Variants in ARHGEF28 observed in about 807,000 individuals in gnomAD.
ARHGEF28 encodes the protein Rho guanine nucleotide exchange factor 28.
In ARHGEF28, 152 loss-of-function variants were observed where a neutral mutation model predicts 206.6. That is an observed-to-expected ratio of 0.74 (90% CI 0.64 to 0.84). The LOEUF (loss-of-function observed/expected upper bound fraction) is 0.84. Ranked by LOEUF, ARHGEF28 falls within the 40% of genes least tolerant of loss-of-function variation. The pLI is 0.00. For missense variants in ARHGEF28, 2,028 were observed against 2,073.2 expected, an observed-to-expected ratio of 0.98 and a Z score of 0.42; for synonymous variants, 763 against 776.4, an observed-to-expected ratio of 0.98 and a Z score of 0.29.
chr5:73,884,032 TA>T, intron 24 of ARHGEF28, 148 bp downstream of exon 24: 1 of 453,758 alleles, frequency 2.2e-6, no homozygotes, highest in East Asian at 3.5e-5. Context: ...GAATTTGGAT[TA>T]GTTTTTAGAA....
At position 73,848,229 on chromosome 5, in the gene ARHGEF28, A is replaced by G. The variant is rs1579982644; in HGVS notation, c.1636-747A>G. 2.0e-5 allele frequency among the ~76,000 whole-genome samples: 3 copies of G among 152,204 alleles called. No individual in the cohort carries two copies. The South Asian group carries it at 6.2e-4, about 32-fold the overall frequency. On this transcript the variant is annotated intron_variant, in intron 12 of 35. Transcript: ENST00000513042. Reference sequence around the variant, plus strand: ...TCACTTAAATTTTCTGGAACATAAGAAAACTATGTTTTAATGATCTTGCCA... The same window carrying G: ...TCACTTAAATTTTCTGGAACATAAGGAAACTATGTTTTAATGATCTTGCCA...
intron 12 of ARHGEF28, among the ~76,000 whole-genome samples, chr5:73,847,854 CCTT>C (rs1251946005): frequency 2.6e-5 from 4 of 152,148 alleles, no homozygotes; most frequent in Non-Finnish European, 4.4e-5. Context: ...CTTGGGTTGG[CCTT>C]CTTGACGTCT....
chr5:73,777,106 CAG>C (rs889424309), intron 6 of ARHGEF28, among the ~76,000 whole-genome samples: 38 of 152,106 alleles, frequency 2.5e-4, no homozygotes, highest in African/African-American at 9.2e-4. Context: ...GAATCCAGTA[CAG>C]ATTCTGCTTG....
chr5:73,825,411 G>C (rs1246640455), intron 9 of ARHGEF28, among the ~76,000 whole-genome samples: 4 of 152,186 alleles, frequency 2.6e-5, no homozygotes, highest in Non-Finnish European at 5.9e-5. Flanking sequence ...AAGGAGGCTT[G>C]TGGGGCTGGA....
chr5:73,669,645 G>A (rs1746185064), intron 1 of ARHGEF28, among the ~76,000 whole-genome samples: 2 of 152,070 alleles, frequency 1.3e-5, no homozygotes, highest in Non-Finnish European at 2.9e-5. Flanking sequence ...TATAGACATT[G>A]ACACAATTTT....
At chr5:73,635,863 G>T (rs911025014) in intron 1 of ARHGEF28, among the ~76,000 whole-genome samples, 2 of 152,158 alleles carry the variant, frequency 1.3e-5, no homozygotes, top group African/African-American at 4.8e-5. Flanking sequence ...TGCACAAAAC[G>T]CATTGCCAAT....
intron 1 of ARHGEF28, among the ~76,000 whole-genome samples, chr5:73,666,939 G>A (rs1745995122): frequency 1.3e-5 from 2 of 152,158 alleles, no homozygotes; most frequent in Admixed American, 1.3e-4. Flanking sequence ...TAATCCAAGG[G>A]TGGAGTTTTT....
chr5:73,689,709 T>C (rs1747693472), intron 2 of ARHGEF28, among the ~76,000 whole-genome samples: 1 of 151,942 alleles, frequency 6.6e-6, no homozygotes, highest in South Asian at 2.1e-4. Flanking sequence ...CCTGCATTCG[T>C]GCTTGAAAAG....
At chr5:73,852,866 C>A (rs544655016) in intron 14 of ARHGEF28, among the ~76,000 whole-genome samples, 174 bp downstream of exon 14, 1 of 152,176 alleles carries the variant, frequency 6.6e-6, no homozygotes, top group Non-Finnish European at 1.5e-5. Context: ...GCCAGCCCTC[C>A]CCTTTCAGTC....
Position 73,776,662 on chromosome 5 carries a change from G to A in ARHGEF28, c.806G>A (p.Arg269Gln), listed in dbSNP as rs938527645. Residue 269 changes from arginine (R) to glutamine (Q), a missense_variant, in exon 6 of 36, where the codon CGG becomes CAG. Arg to Gln is a conservative substitution (Grantham distance 43). This residue lies in a region of ARHGEF28 where 1,002 missense variants were observed against 1,015.3 expected (regional missense o/e 0.99). Coordinates refer to ENST00000513042, the MANE Select transcript of ARHGEF28 (RefSeq NM_001177693.2). ...HLLEADIKLF[R>Q]KYFWDRAFLV... ...TTGGAGGCAGATATTAAACTCTTCC[G>A]GAAATACTTTTGGGATAGAGCCTTT... 1.1e-5 allele frequency: 18 copies of A among 1,613,460 alleles called. No individual in the cohort carries two copies. Among genetic ancestry groups the A allele is most frequent in the African/African-American group, 4.0e-5 (3 of 74,916 alleles).
intron 35 of ARHGEF28, among the ~76,000 whole-genome samples, chr5:73,940,612 C>T (rs994896608): frequency 6.6e-6 from 1 of 152,170 alleles, no homozygotes; most frequent in African/African-American, 2.4e-5. Flanking sequence ...ATCCCATGAA[C>T]AGTAACCCAT....
intron 7 of ARHGEF28, among the ~76,000 whole-genome samples, chr5:73,791,240 C>T (rs541808698): frequency 1.1e-4 from 17 of 152,328 alleles, no homozygotes; most frequent in African/African-American, 4.1e-4. Flanking sequence ...CTGGTCCCAG[C>T]TCTCCCAGAA....
chr5:73,643,246 G>A (rs1744231677), intron 1 of ARHGEF28, among the ~76,000 whole-genome samples: 1 of 152,178 alleles, frequency 6.6e-6, no homozygotes, highest in Non-Finnish European at 1.5e-5. Context: ...TGTTTAAAAT[G>A]TTAAGCAGTG....
At chr5:73,737,447 CTT>C (rs1751023737) in intron 2 of ARHGEF28, among the ~76,000 whole-genome samples, 1 of 30,196 alleles carries the variant, frequency 3.3e-5, no homozygotes, top group Admixed American at 4.7e-4. Flanking sequence ...TCCTTCTTTT[CTT>C]TTCTTTTCTT....
rs1231123887 is a variant in ARHGEF28 at position 73,873,233 on chromosome 5, T to C, written c.2801T>C (p.Ile934Thr). The C allele has an allele frequency of 6.8e-6, 11 of 1,610,302 alleles. No homozygotes were observed. In the Admixed American group the frequency reaches 1.8e-4, roughly 27 times the overall value. ...RNFVIDRIGD[I>T]LVQQFSEENA... ...TTTGTGATCGACCGAATTGGAGATA[T>C]TTTGGTACAACAGGTAAGAAGAGCT... is the stretch of plus-strand genomic sequence containing the variant. The change falls in exon 22 of 36, where the codon ATT becomes ACT. Residue 934 changes from isoleucine to threonine, a missense_variant. Transcript: ENST00000513042.
intron 1 of ARHGEF28, among the ~76,000 whole-genome samples, chr5:73,656,878 A>C (rs1450600271): frequency 6.6e-6 from 1 of 152,138 alleles, no homozygotes; most frequent in African/African-American, 2.4e-5. Context: ...TCCTATAAAA[A>C]GAATGTTGGA....
intron 20 of ARHGEF28, among the ~76,000 whole-genome samples, chr5:73,869,856 C>T (rs1489622982): frequency 3.3e-5 from 5 of 152,058 alleles, no homozygotes; most frequent in Admixed American, 1.3e-4. Flanking sequence ...TGCAGTGAGA[C>T]GAGATCGCGC....
chr5:73,737,672 G>A (rs778432212), intron 2 of ARHGEF28, among the ~76,000 whole-genome samples: 3 of 151,568 alleles, frequency 2.0e-5, no homozygotes, highest in East Asian at 1.9e-4. Flanking sequence ...CTGCCACCAC[G>A]TCCAGCTAAT....
At chr5:73,821,043 T>G (rs1171204904) in intron 9 of ARHGEF28, among the ~76,000 whole-genome samples, 1 of 152,124 alleles carries the variant, frequency 6.6e-6, no homozygotes, top group African/African-American at 2.4e-5. Context: ...CTCATCTACC[T>G]GGTCAGTGTC....
Sources: gnomAD v4.1 joint callset for allele counts (sites outside exome capture counted in the v4.1 genomes callset) on GRCh38, gnomAD v4.1.1 for gene constraint, gnomAD v4.1.1 regional missense constraint, MANE v1.5 for transcripts, NCBI Gene and HGNC (gene_info 2026-07-23, HGNC 2026-07-21) for gene names.